Variants in DIPK2A observed in about 807,000 individuals in gnomAD.
DIPK2A encodes the protein divergent protein kinase domain 2A, also known as Golgi Protein of 49 kDa.
DIPK2A carries 27 observed loss-of-function variants against 39.0 expected under a neutral mutation model. The ratio of observed to expected loss-of-function variants is 0.69; its 90% confidence interval spans 0.51 to 0.96. The LOEUF is 0.96. DIPK2A is among the 40% of genes least tolerant of loss of function. The probability of loss-of-function intolerance (pLI) is 0.00; values close to 1 mark genes in which losing one functional copy is unlikely to be tolerated. For synonymous variants in DIPK2A, 298 were observed against 240.8 expected, an observed-to-expected ratio of 1.24 and a Z score of -2.20; for missense variants, 528 against 571.3, an observed-to-expected ratio of 0.92 and a Z score of 0.77.
Position 143,972,314 on chromosome 3 carries a change from TTGCG to T in DIPK2A, c.-18_-15del. ...CCCCGGGGGTGCCCTCGCCCTCCCG[TTGCG>T]GGCGGGCGGGCGGTATGTGGCGCCT... On this transcript the variant is annotated 5_prime_UTR_variant, in exon 1 of 3. Coordinates refer to ENST00000315691, the MANE Select transcript of DIPK2A (RefSeq NM_173552.5). 7.4e-7 allele frequency: 1 copy of T among 1,348,310 alleles called. No homozygotes were observed. The highest frequency in any genetic ancestry group is 9.5e-7 in the Non-Finnish European group (1 of 1,055,442). 83.5% of individuals were successfully genotyped at this position (1,348,310 alleles called of 1,614,324 possible).
At chr3:143,979,595 A>C (rs571164133) in intron 1 of DIPK2A, among the ~76,000 whole-genome samples, 1 of 152,272 alleles carries the variant, frequency 6.6e-6, no homozygotes, top group South Asian at 2.1e-4. Flanking sequence ...CCAGGAACTG[A>C]TCTGTATATA....
At chr3:143,973,413 C>A (rs1355774838) in intron 1 of DIPK2A, 1 of 1,550,048 alleles carries the variant, frequency 6.5e-7, no homozygotes, top group African/African-American at 1.4e-5. Context: ...TGTTCTACAC[C>A]GCGTTCGCTC....
At chr3:143,985,409 C>T in intron 1 of DIPK2A, 134 bp from the exon 2 acceptor site, 1 of 740,608 alleles carries the variant, frequency 1.4e-6, no homozygotes, top group Non-Finnish European at 2.2e-6. Flanking sequence ...TGAAGTTAAT[C>T]TCTAATAAAC....
rs1325085905 is a variant in DIPK2A, at chr3:143,991,917, A to G, written c.*2076A>G. 1 of 152,282 alleles carries G rather than the reference A, an allele frequency of 6.6e-6. No homozygotes were observed. The highest frequency in any genetic ancestry group is 1.5e-5 in the Non-Finnish European group (1 of 68,012). The allele number at this position is 152,282 out of a possible 1,614,324, so 9.4% of individuals were successfully genotyped here. ...TTTTTGGAAGTGTGATTGCAATTGC[A>G]GAACAGAAAGTGAGAAAACACTGCC... On this transcript the variant is annotated 3_prime_UTR_variant, in exon 3 of 3. Coordinates refer to ENST00000315691, the MANE Select transcript of DIPK2A (RefSeq NM_173552.5).
chr3:143,976,399 T>G (rs1272237286), intron 1 of DIPK2A, among the ~76,000 whole-genome samples: 1 of 152,080 alleles, frequency 6.6e-6, no homozygotes, highest in Non-Finnish European at 1.5e-5. Context: ...ATGTTGACTT[T>G]TATATTGTGT....
At chr3:143,976,913 ATAAAG>A (rs1303509498) in intron 1 of DIPK2A, among the ~76,000 whole-genome samples, 17 of 152,102 alleles carry the variant, frequency 1.1e-4, no homozygotes, top group African/African-American at 3.6e-4. Flanking sequence ...TAGATATTGA[ATAAAG>A]TAAAGGTAAC....
intron 1 of DIPK2A, among the ~76,000 whole-genome samples, chr3:143,979,425 G>C (rs2087797238): frequency 6.6e-6 from 1 of 152,154 alleles, no homozygotes; most frequent in Non-Finnish European, 1.5e-5. Flanking sequence ...AACAGGTTAA[G>C]TCTAGACCTT....
chr3:143,979,499 C>T (rs1015741062), intron 1 of DIPK2A, among the ~76,000 whole-genome samples: 7 of 152,032 alleles, frequency 4.6e-5, no homozygotes, highest in East Asian at 1.9e-4. Context: ...TCAGTGTCTT[C>T]GTATTTTTTC....
chr3:143,973,069 G>T (rs2107837419), intron 1 of DIPK2A, 80 bp downstream of exon 1: 3 of 1,485,490 alleles, frequency 2.0e-6, no homozygotes, highest in Non-Finnish European at 2.7e-6. Flanking sequence ...GGCTCAGCCA[G>T]CGCTTGCCGC....
intron 1 of DIPK2A, among the ~76,000 whole-genome samples, chr3:143,980,778 A>G (rs1028577006): frequency 6.6e-6 from 1 of 152,150 alleles, no homozygotes; most frequent in African/African-American, 2.4e-5. Flanking sequence ...ATGGTAACAC[A>G]TCTCTTGGTC....
chr3:143,980,384 C>T (rs1470359183), intron 1 of DIPK2A, among the ~76,000 whole-genome samples: 2 of 152,146 alleles, frequency 1.3e-5, no homozygotes, highest in Admixed American at 6.5e-5. Context: ...TCTCCTGCCT[C>T]AGCCTCCCGA....
At position 143,978,594 on chromosome 3, in the gene DIPK2A, C is replaced by A. The variant is rs966771570; in HGVS notation, c.657+5605C>A. 3 of 66,066 alleles carry A rather than the reference C, an allele frequency of 4.5e-5. No individual in the cohort carries two copies. In the East Asian group the frequency reaches 1.2e-3, roughly 25 times the overall value. 4.1% of individuals were successfully genotyped at this position (66,066 alleles called of 1,614,324 possible). A position where few individuals can be genotyped will look rare whatever the true frequency, so the allele number is the denominator to read the frequency against. On this transcript the variant is annotated intron_variant, in intron 1 of 2. Coordinates refer to ENST00000315691, the MANE Select transcript of DIPK2A (RefSeq NM_173552.5). ...CTGTACAAAAGGTATCTATATCTAT[C>A]TATCTATCTATATATATATATCTAT...
At chr3:143,987,816 T>A (rs1390725819) in intron 2 of DIPK2A, among the ~76,000 whole-genome samples, 1 of 152,204 alleles carries the variant, frequency 6.6e-6, no homozygotes, top group Non-Finnish European at 1.5e-5. Flanking sequence ...CTCTATTCAT[T>A]CCTTAGTCCA....
chr3:143,981,336 A>G (rs991293640), intron 1 of DIPK2A, among the ~76,000 whole-genome samples: 1 of 152,188 alleles, frequency 6.6e-6, no homozygotes, highest in African/African-American at 2.4e-5. Flanking sequence ...TTGATTCTAT[A>G]AGTCCCAACA....
At chr3:143,984,303 G>A (rs1214646987) in intron 1 of DIPK2A, among the ~76,000 whole-genome samples, 1 of 151,938 alleles carries the variant, frequency 6.6e-6, no homozygotes, top group Non-Finnish European at 1.5e-5. Flanking sequence ...TCACAGCTTG[G>A]CTGTTTGGGT....
chr3:143,974,051 G>C (rs543254724), intron 1 of DIPK2A, among the ~76,000 whole-genome samples: 1 of 151,764 alleles, frequency 6.6e-6, no homozygotes, highest in Non-Finnish European at 1.5e-5. Flanking sequence ...TGACTTAAAA[G>C]TTCACAAGTA....
chr3:143,984,123 C>A (rs1345467153), intron 1 of DIPK2A, among the ~76,000 whole-genome samples: 1 of 152,142 alleles, frequency 6.6e-6, no homozygotes, highest in African/African-American at 2.4e-5. Flanking sequence ...GAGTTGGGTT[C>A]TTGTTCTGGA....
intron 1 of DIPK2A, among the ~76,000 whole-genome samples, chr3:143,980,513 C>T (rs1011757911): frequency 6.6e-6 from 1 of 152,128 alleles, no homozygotes; most frequent in African/African-American, 2.4e-5. Context: ...GTGATCTGCC[C>T]ACTTAGGCCT....
chr3:143,986,686 C>G (rs1289082029), intron 2 of DIPK2A, among the ~76,000 whole-genome samples: 1 of 145,410 alleles, frequency 6.9e-6, no homozygotes, highest in Non-Finnish European at 1.5e-5. Flanking sequence ...GATTGCGCCA[C>G]TGCACTCCAG....
Sources: allele counts gnomAD v4.1 joint callset (sites outside exome capture counted in the v4.1 genomes callset), GRCh38; gene constraint gnomAD v4.1.1; transcripts MANE v1.5; gene names NCBI Gene and HGNC (gene_info 2026-07-23, HGNC 2026-07-21).